GPD1L: variants seen among roughly 807,000 people sequenced by gnomAD.
GPD1L encodes the protein glycerol-3-phosphate dehydrogenase 1-like protein.
Under a neutral mutation model 32.9 loss-of-function variants are expected in GPD1L, and 17 were observed. The ratio of observed to expected loss-of-function variants is 0.52; its 90% CI spans 0.35 to 0.78. The LOEUF is 0.78. Among genes scored for constraint, GPD1L ranks in the 30% least tolerant of loss-of-function variants. GPD1L has a pLI of 0.01. For missense variants in GPD1L, 361 were observed against 447.8 expected (o/e 0.81, Z 1.75); for synonymous variants, 187 against 165.9 (o/e 1.13, Z -0.98).
intron 1 of GPD1L, among the ~76,000 whole-genome samples, chr3:32,111,031 A>G (rs982312573): frequency 3.9e-5 from 6 of 152,130 alleles, no homozygotes; most frequent in Non-Finnish European, 7.4e-5. Context: ...ATGCCCGGCT[A>G]AGTTTTATAT....
At chr3:32,148,715 T>C (rs761330585) in intron 5 of GPD1L, among the ~76,000 whole-genome samples, 3 of 152,342 alleles carry the variant, frequency 2.0e-5, no homozygotes, top group Non-Finnish European at 4.4e-5. Context: ...TGTGTACCAC[T>C]TGACTTTTCT....
At chr3:32,145,300 C>T (rs1700804047) in intron 4 of GPD1L, among the ~76,000 whole-genome samples, 1 of 151,914 alleles carries the variant, frequency 6.6e-6, no homozygotes, top group Admixed American at 6.6e-5. Context: ...GCCTGGGCAA[C>T]ACAGCAACTC....
chr3:32,146,749 A>T lies in GPD1L; in HGVS notation c.618+15A>T, dbSNP rs1329759921. The T allele has an allele frequency of 4.2e-6, 6 of 1,435,552 alleles. No homozygotes were observed. Among genetic ancestry groups the T allele is most frequent in the Non-Finnish European group, 5.9e-6 (6 of 1,018,756 alleles). The allele number at this position is 1,435,552 out of a possible 1,614,324, so 88.9% of individuals were successfully genotyped here. ...GTGCGCTTAAGGTAAAGTCAGCCTCAGGGGAGGAGTTCATCAAGCAAGGCA... is the reference window on the plus strand; with the variant it reads ...GTGCGCTTAAGGTAAAGTCAGCCTCTGGGGAGGAGTTCATCAAGCAAGGCA... On this transcript the variant is annotated intron_variant, in intron 5 of 7. Transcript: ENST00000282541.
At chr3:32,134,787 T>G (rs762953336) in intron 2 of GPD1L, among the ~76,000 whole-genome samples, 19 of 152,206 alleles carry the variant, frequency 1.2e-4, no homozygotes, top group Admixed American at 3.9e-4. Context: ...TGAGCCTGGC[T>G]GGGGATGTAT....
At position 32,166,162 on chromosome 3, in the gene GPD1L, AAATTTGATGTCT is replaced by A; in HGVS notation, c.*253_*264del. 1 of 528,048 alleles carries A rather than the reference AAATTTGATGTCT, an allele frequency of 1.9e-6. No individual in the cohort carries two copies. Among genetic ancestry groups the A allele is most frequent in the Non-Finnish European group, 3.4e-6 (1 of 294,002 alleles). The allele number at this position is 528,048 out of a possible 1,614,324, so 32.7% of individuals were successfully genotyped here. On this transcript the variant is annotated 3_prime_UTR_variant, in exon 8 of 8. Coordinates refer to ENST00000282541, the MANE Select transcript of GPD1L (RefSeq NM_015141.4). ...ATTCTGTGGATGTTTCTATGAGCCA[AAATTTGATGTCT>A]TTTTTTCAAAATTGCTTATGAAATT...
At chr3:32,139,257 TAGC>T (rs761903443) in intron 3 of GPD1L, among the ~76,000 whole-genome samples, 2 of 152,190 alleles carry the variant, frequency 1.3e-5, no homozygotes, top group Non-Finnish European at 2.9e-5. Context: ...GTTTCAGTAA[TAGC>T]AGTATTAGCA....
intron 1 of GPD1L, among the ~76,000 whole-genome samples, chr3:32,108,124 C>T (rs75032244): frequency 7.9e-5 from 12 of 152,288 alleles, no homozygotes; most frequent in East Asian, 3.9e-4. Flanking sequence ...CAGGGCTGGG[C>T]GCAGTAGCTT....
At chr3:32,165,583 C>G (rs1052273560) in intron 7 of GPD1L, among the ~76,000 whole-genome samples, 3 of 152,180 alleles carry the variant, frequency 2.0e-5, no homozygotes, top group African/African-American at 7.2e-5. Flanking sequence ...TGGTTGTGGA[C>G]AGTGTGCTCC....
chr3:32,106,774 C>T lies in GPD1L; in HGVS notation c.47+16C>T. The T allele has an allele frequency of 6.4e-7, 1 of 1,557,140 alleles. No individual in the cohort carries two copies. Among genetic ancestry groups the T allele is most frequent in the Non-Finnish European group, 8.7e-7 (1 of 1,152,346 alleles). Reference sequence around the variant, plus strand: ...CGGGGAACTGGTGAGCGGCGGCGGGCTGGAGGCCGGGGCTCCGCTTCCAGG... The same window carrying T: ...CGGGGAACTGGTGAGCGGCGGCGGGTTGGAGGCCGGGGCTCCGCTTCCAGG... On this transcript the variant is annotated intron_variant, in intron 1 of 7. Transcript: ENST00000282541. The surrounding 1 kb of genome is among the most constrained non-coding windows in gnomAD (Gnocchi z 4.0).
intron 2 of GPD1L, among the ~76,000 whole-genome samples, chr3:32,133,808 C>T (rs1463231105): frequency 6.6e-6 from 1 of 152,238 alleles, no homozygotes; most frequent in Non-Finnish European, 1.5e-5. Context: ...GCTCATTGAG[C>T]ACACACTGTG....
chr3:32,131,333 C>T (rs1467049964), intron 2 of GPD1L, among the ~76,000 whole-genome samples: 1 of 152,174 alleles, frequency 6.6e-6, no homozygotes, highest in African/African-American at 2.4e-5. Context: ...GTGCAGCCAT[C>T]ACTGCCATCA....
chr3:32,131,035 G>A (rs542808636), intron 2 of GPD1L, among the ~76,000 whole-genome samples: 57 of 149,574 alleles, frequency 3.8e-4, no homozygotes, highest in Admixed American at 5.4e-4. Context: ...AGAATGCTCC[G>A]TTTAAAAAAA....
At chr3:32,119,783 G>A (rs1700382326) in intron 1 of GPD1L, among the ~76,000 whole-genome samples, 1 of 152,112 alleles carries the variant, frequency 6.6e-6, no homozygotes, top group East Asian at 1.9e-4. Flanking sequence ...CCACGCTTTT[G>A]CCCATGGAAC....
intron 1 of GPD1L, among the ~76,000 whole-genome samples, chr3:32,123,222 C>T (rs1559571223): frequency 6.6e-6 from 1 of 152,098 alleles, no homozygotes; most frequent in Non-Finnish European, 1.5e-5. Flanking sequence ...CTTTAAAAGA[C>T]AACTTCATAC....
chr3:32,118,523 G>T (rs1461002819), intron 1 of GPD1L, among the ~76,000 whole-genome samples: 1 of 151,850 alleles, frequency 6.6e-6, no homozygotes, highest in African/African-American at 2.4e-5. Flanking sequence ...CCATAGGCTG[G>T]GTCTTATGCT....
intron 2 of GPD1L, among the ~76,000 whole-genome samples, chr3:32,130,333 C>T (rs1700568065): frequency 6.6e-6 from 1 of 152,078 alleles, no homozygotes; most frequent in Non-Finnish European, 1.5e-5. Flanking sequence ...CCAATATGTC[C>T]CCAGTCCCTC....
At chr3:32,108,334 C>T (rs1457032787) in intron 1 of GPD1L, among the ~76,000 whole-genome samples, 1 of 152,198 alleles carries the variant, frequency 6.6e-6, no homozygotes, top group African/African-American at 2.4e-5. Context: ...GGTGAAACCC[C>T]GTCTCTACTG....
rs541111702 is a variant in GPD1L at position 32,157,481 on chromosome 3, C to G, written c.619-1395C>G. On this transcript the variant is annotated intron_variant, in intron 5 of 7. Transcript: ENST00000282541. Reference sequence around the variant, plus strand: ...TGGGGGCATCTTCAGCCCCTGCATTCCCCCTGCCACCCGCTAGCCCCTGCA... The same window carrying G: ...TGGGGGCATCTTCAGCCCCTGCATTGCCCCTGCCACCCGCTAGCCCCTGCA... Among the ~76,000 whole-genome samples the G allele has an allele frequency of 2.0e-5, 3 of 152,290 alleles. No individual in the cohort carries two copies. The South Asian group carries it at 6.2e-4, about 32-fold the overall frequency.
chr3:32,116,024 G>T (rs547933552), intron 1 of GPD1L, among the ~76,000 whole-genome samples: 157 of 151,896 alleles, frequency 1.0e-3, no homozygotes, highest in Non-Finnish European at 1.9e-3. Flanking sequence ...TCCTGACCTC[G>T]TGATGTGCCC....
Sources: allele counts gnomAD v4.1 joint callset (sites outside exome capture counted in the v4.1 genomes callset), GRCh38; gene constraint gnomAD v4.1.1; non-coding constraint Gnocchi (gnomAD v3.1); transcripts MANE v1.5; gene names NCBI Gene and HGNC (gene_info 2026-07-23, HGNC 2026-07-21).